Variants in OOEP observed in about 807,000 individuals in gnomAD.
OOEP encodes the protein oocyte-expressed protein homolog.
In OOEP, 16 loss-of-function variants were observed where a neutral mutation model predicts 13.7. The ratio of observed to expected loss-of-function variants is 1.16; its 90% CI spans 0.79 to 1.77. The LOEUF (loss-of-function observed/expected upper bound fraction) is 1.77. OOEP is among the 40% of genes most tolerant of loss of function. The pLI is 0.00. For synonymous variants in OOEP, 89 were observed against 77.1 expected (o/e 1.15, Z -0.81); for missense variants, 195 against 193.1 (o/e 1.01, Z -0.06).
chr6:73,376,321 G>A (rs750835544), intron 2 of OOEP, among the ~76,000 whole-genome samples: 1 of 140,578 alleles, frequency 7.1e-6, no homozygotes, highest in African/African-American at 2.8e-5. Context: ...CAACTCAGTC[G>A]CAGCTGTTTT....
At chr6:73,394,891 C>T (rs755608861) in exon 1 of OOEP, 3 of 1,613,218 alleles carry the variant, frequency 1.9e-6, no homozygotes, top group Admixed American at 1.7e-5. Flanking sequence ...GTCGGACGCG[C>T]CCCTTCTTGG....
chr6:73,368,943 G>A (rs1302656877), intron 2 of OOEP, 80 bp from the exon 3 acceptor site: 24 of 1,130,262 alleles, frequency 2.1e-5, no homozygotes, highest in African/African-American at 6.1e-5. Flanking sequence ...CTGGGAGTTG[G>A]GGAGGAGAGA....
chr6:73,377,640 T>C, intron 2 of OOEP, among the ~76,000 whole-genome samples: 1 of 152,126 alleles, frequency 6.6e-6, no homozygotes, highest in Non-Finnish European at 1.5e-5. Flanking sequence ...GCCAGCAATA[T>C]TTTTATGTAT....
At chr6:73,376,353 T>TG (rs58110256) in intron 2 of OOEP, among the ~76,000 whole-genome samples, 15,806 of 54,138 alleles carry the variant, frequency 0.29, 1,029 homozygotes, top group Non-Finnish European at 0.43. Flanking sequence ...TGTTTTTTTT[T>TG]TTTTTTTTTT....
Position 73,369,190 on chromosome 6 carries a change from T to G in OOEP, c.370+16A>C. ...CTCGTGGCTTCCTCCACATGCAGGTTCTCAAAGACCCTCACCTCGGGCACG... is the reference window on the plus strand; with the variant it reads ...CTCGTGGCTTCCTCCACATGCAGGTGCTCAAAGACCCTCACCTCGGGCACG... On this transcript the variant is annotated intron_variant, in intron 2 of 2. Transcript: ENST00000370359. The G allele has an allele frequency of 1.2e-6, 2 of 1,600,534 alleles. No homozygotes were observed. The highest frequency in any genetic ancestry group is 1.7e-6 in the Non-Finnish European group (2 of 1,174,206).
rs1769020001 is a variant in OOEP, at chr6:73,369,847, C to G, written c.-55G>C. 6.6e-7 allele frequency: 1 copy of G among 1,512,926 alleles called. No homozygotes were observed. Among genetic ancestry groups the G allele is most frequent in the Non-Finnish European group, 9.1e-7 (1 of 1,104,506 alleles). The allele number at this position is 1,512,926 out of a possible 1,614,324, so 93.7% of individuals were successfully genotyped here. On this transcript the variant is annotated 5_prime_UTR_variant, in exon 1 of 3. Transcript: ENST00000370359. ...GAGGCGGCTTTCGCAAGACCTCTTC[C>G]AGACCCAGGCGCGAAGCTCGGGCTC...
intron 2 of OOEP, among the ~76,000 whole-genome samples, chr6:73,386,411 T>C (rs144514513): frequency 4.0e-5 from 6 of 150,030 alleles, no homozygotes; most frequent in African/African-American, 1.5e-4. Flanking sequence ...TGCTTTTCTA[T>C]GTAGGAAATC....
chr6:73,381,818 A>G (rs976952075), intron 2 of OOEP, among the ~76,000 whole-genome samples: 2 of 152,052 alleles, frequency 1.3e-5, no homozygotes, highest in African/African-American at 4.8e-5. Context: ...CATGTCTACT[A>G]AAAAGGCAAA....
chr6:73,387,838 G>A (rs1285859511), intron 2 of OOEP: 1 of 152,094 alleles, frequency 6.6e-6, no homozygotes, highest in Non-Finnish European at 1.5e-5. Flanking sequence ...GCCACCATAA[G>A]GGAACGATGA....
intron 2 of OOEP, among the ~76,000 whole-genome samples, chr6:73,390,167 A>T (rs1390734944): frequency 6.6e-6 from 1 of 152,218 alleles, no homozygotes; most frequent in Admixed American, 6.5e-5. Flanking sequence ...CCACAGGGAA[A>T]GAAAAAAAGA....
chr6:73,383,800 T>C (rs1769236320), intron 2 of OOEP, among the ~76,000 whole-genome samples: 2 of 151,976 alleles, frequency 1.3e-5, no homozygotes, highest in Non-Finnish European at 2.9e-5. Flanking sequence ...ATTACTAAGA[T>C]CAGAAATGAA....
chr6:73,376,878 C>T (rs1769146209), intron 2 of OOEP, among the ~76,000 whole-genome samples: 1 of 152,166 alleles, frequency 6.6e-6, no homozygotes, highest in African/African-American at 2.4e-5. Context: ...TCTCGAACTC[C>T]TGACCTCAGG....
chr6:73,371,933 A>G (rs1450502540), upstream of OOEP, among the ~76,000 whole-genome samples: 1 of 151,818 alleles, frequency 6.6e-6, no homozygotes, highest in Non-Finnish European at 1.5e-5. Flanking sequence ...ATCTCAAAAA[A>G]CAAACAAAAA....
At chr6:73,375,627 AG>A (rs1190087167) in intron 2 of OOEP, among the ~76,000 whole-genome samples, 3 of 146,260 alleles carry the variant, frequency 2.1e-5, no homozygotes, top group African/African-American at 7.7e-5. Context: ...TATTATATAC[AG>A]TATATATTTA....
At chr6:73,369,557 T>C (rs1380002680) in intron 1 of OOEP, 46 bp downstream of exon 1, 9 of 1,588,890 alleles carry the variant, frequency 5.7e-6, no homozygotes, top group Non-Finnish European at 7.8e-6. Flanking sequence ...CAAGCCTCTC[T>C]CAGACTGGAG....
At chr6:73,374,670 C>T (rs1769110233), upstream of OOEP, among the ~76,000 whole-genome samples, 1 of 152,160 alleles carries the variant, frequency 6.6e-6, no homozygotes, top group South Asian at 2.1e-4. Context: ...AACCCTCCTG[C>T]CTTGGTCTCC....
At chr6:73,395,132 G>A, upstream of OOEP, 6 of 1,613,802 alleles carry the variant, frequency 3.7e-6, no homozygotes, top group Non-Finnish European at 1.7e-6. Flanking sequence ...GCTTTGAAGA[G>A]CCACTTTGTT....
intron 2 of OOEP, among the ~76,000 whole-genome samples, chr6:73,386,884 C>T (rs1010635902): frequency 7.0e-6 from 1 of 143,816 alleles, no homozygotes; most frequent in African/African-American, 2.5e-5. Flanking sequence ...AGGAGAATCA[C>T]TTGAACCCGG....
intron 2 of OOEP, among the ~76,000 whole-genome samples, chr6:73,388,317 T>C (rs898634138): frequency 2.8e-4 from 43 of 152,198 alleles, no homozygotes; most frequent in African/African-American, 9.7e-4. Flanking sequence ...ACATGGATGT[T>C]TATTATAAAA....
Sources: gnomAD v4.1 joint callset for allele counts (sites outside exome capture counted in the v4.1 genomes callset) on GRCh38, gnomAD v4.1.1 for gene constraint, MANE v1.5 for transcripts, NCBI Gene and HGNC (gene_info 2026-07-23, HGNC 2026-07-21) for gene names.